The following ARMC7 variants were observed in gnomAD, a reference collection of about 807,000 sequenced individuals.
ARMC7 encodes armadillo repeat-containing protein 7.
ARMC7 carries 9 observed loss-of-function variants against 14.8 expected under a neutral mutation model. That is an observed-to-expected ratio of 0.61 (90% CI 0.37 to 1.06). The LOEUF (loss-of-function observed/expected upper bound fraction) is 1.06, where lower values mean the gene tolerates loss of function less well. Ranked by LOEUF, ARMC7 falls within the 50% of genes least tolerant of loss-of-function variation. The pLI is 0.01. For missense variants in ARMC7, 262 were observed against 267.1 expected, an observed-to-expected ratio of 0.98 and a Z score of 0.13; for synonymous variants, 125 against 123.4, an observed-to-expected ratio of 1.01 and a Z score of -0.09.
At chr17:75,116,342 C>G (rs2073972638) in intron 2 of ARMC7, among the ~76,000 whole-genome samples, 1 of 152,096 alleles carries the variant, frequency 6.6e-6, no homozygotes, top group Non-Finnish European at 1.5e-5. Flanking sequence ...GAGTACCAGA[C>G]CTAGGCCGGG....
chr17:75,124,577 G>T (rs1236370815), intron 2 of ARMC7, among the ~76,000 whole-genome samples: 2 of 152,188 alleles, frequency 1.3e-5, no homozygotes, highest in Admixed American at 6.5e-5. Context: ...ACATGCCGCG[G>T]GTGTGTCTGA....
At chr17:75,120,510 G>A (rs1176721922) in intron 2 of ARMC7, among the ~76,000 whole-genome samples, 1 of 151,916 alleles carries the variant, frequency 6.6e-6, no homozygotes, top group African/African-American at 2.4e-5. Flanking sequence ...GTTTTATAAC[G>A]ATTTTTAAGA....
Position 75,113,340 on chromosome 17 carries a change from A to T in ARMC7, c.235+2734A>T, listed in dbSNP as rs114429860. Among the ~76,000 whole-genome samples, 604 of 139,952 alleles carry T rather than the reference A, an allele frequency of 4.3e-3. 7 individuals carry two copies. The highest frequency in any genetic ancestry group is 0.015 in the African/African-American group (567 of 37,462). The allele number at this position is 139,952 out of a possible 152,430, so 91.8% of individuals were successfully genotyped here. ...CACCTGGCCCAACTAACACATTTTT[A>T]AAAATACTTTTTATTTATTTATTTT... On this transcript the variant is annotated intron_variant, in intron 2 of 2. Transcript: ENST00000245543.
At position 75,130,238 on chromosome 17, in the gene ARMC7, A is replaced by C; in HGVS notation, c.*1200A>C. 5.7e-6 allele frequency: 3 copies of C among 526,714 alleles called. No individual in the cohort carries two copies. The South Asian group carries it at 7.1e-5, about 12-fold the overall frequency. 32.6% of individuals were successfully genotyped at this position (526,714 alleles called of 1,614,324 possible). A position where few individuals can be genotyped will look rare whatever the true frequency, so the allele number is the denominator to read the frequency against. On this transcript the variant is annotated 3_prime_UTR_variant, in exon 3 of 3. Transcript: ENST00000245543. ...AGGGTCCTAGAAGACTAGAAAGCCA[A>C]GGTCTTTTATTAAAGGTCCCGACTG...
intron 2 of ARMC7, among the ~76,000 whole-genome samples, chr17:75,113,007 TTTTTATTTTATTTTA>T (rs71159435): frequency 6.7e-6 from 1 of 149,046 alleles, no homozygotes; most frequent in East Asian, 1.9e-4. Flanking sequence ...AATAACACAT[TTTTTATTTTATTTTA>T]TTTTATTTTA....
chr17:75,112,954 T>C lies in ARMC7; in HGVS notation c.235+2348T>C, dbSNP rs547856146. On this transcript the variant is annotated intron_variant, in intron 2 of 2. Coordinates refer to ENST00000245543, the MANE Select transcript of ARMC7 (RefSeq NM_024585.4). ...TTTGTGGTTTCTTTATCCCCTTTAT[T>C]TCCTATAATCCAGAAATTGGGTTGA... 7.2e-5 allele frequency among the ~76,000 whole-genome samples: 11 copies of C among 152,280 alleles called. No individual in the cohort carries two copies. The South Asian group carries it at 2.1e-3, about 29-fold the overall frequency.
At chr17:75,112,573 CTT>C (rs549730217) in intron 2 of ARMC7, among the ~76,000 whole-genome samples, 2,537 of 100,482 alleles carry the variant, frequency 0.025, 22 homozygotes, top group South Asian at 0.065. Flanking sequence ...TTCTCTTTTT[CTT>C]TTTTTTTTTT....
Position 75,130,265 on chromosome 17 carries a change from T to TCGCCG in ARMC7, c.*1227_*1228insCGCCG. 5.2e-6 allele frequency: 3 copies of TCGCCG among 576,432 alleles called. No individual in the cohort carries two copies. Among genetic ancestry groups the TCGCCG allele is most frequent in the South Asian group, 2.1e-5 (1 of 47,010 alleles). The allele number at this position is 576,432 out of a possible 1,614,324, so 35.7% of individuals were successfully genotyped here. A position where few individuals can be genotyped will look rare whatever the true frequency, so the allele number is the denominator to read the frequency against. ...GTCTTTTATTAAAGGTCCCGACTGG[T>TCGCCG]TTTCCCACTGTATTTCCATGCCAGC... On this transcript the variant is annotated 3_prime_UTR_variant, in exon 3 of 3. Coordinates refer to ENST00000245543, the MANE Select transcript of ARMC7 (RefSeq NM_024585.4).
In ARMC7 at chr17:75,110,135, T is replaced by C. The variant is rs1014165065; in HGVS notation, c.-154T>C. On this transcript the variant is annotated 5_prime_UTR_variant, in exon 1 of 3. Transcript: ENST00000245543. ...CCATATCCCATTTCCAGCTGCAAAT[T>C]ACTGCAGAATCTGAACCCAGGAAAG... 2.9e-6 allele frequency: 2 copies of C among 680,504 alleles called. No individual in the cohort carries two copies. The allele number at this position is 680,504 out of a possible 1,614,324, so 42.2% of individuals were successfully genotyped here.
intron 2 of ARMC7, among the ~76,000 whole-genome samples, chr17:75,119,488 G>A (rs59306289): frequency 0.051 from 7,021 of 138,222 alleles, 577 homozygotes; most frequent in African/African-American, 0.17. Context: ...TCGCTCTGTC[G>A]CCCAGGCTGG....
At chr17:75,126,297 C>A (rs891198127) in intron 2 of ARMC7, among the ~76,000 whole-genome samples, 1 of 152,132 alleles carries the variant, frequency 6.6e-6, no homozygotes, top group Non-Finnish European at 1.5e-5. Context: ...GAGGTCATTA[C>A]ATTGAGGGGG....
intron 2 of ARMC7, among the ~76,000 whole-genome samples, chr17:75,113,580 C>T (rs1444952552): frequency 6.6e-6 from 1 of 152,010 alleles, no homozygotes; most frequent in Non-Finnish European, 1.5e-5. Flanking sequence ...TGGGCTCAAT[C>T]TCCTGACCTC....
At chr17:75,116,818 C>T (rs553304033) in intron 2 of ARMC7, among the ~76,000 whole-genome samples, 3 of 152,346 alleles carry the variant, frequency 2.0e-5, no homozygotes, top group East Asian at 3.9e-4. Context: ...AGCTGCCCCT[C>T]GTCTGGCTGT....
intron 2 of ARMC7, among the ~76,000 whole-genome samples, chr17:75,118,834 C>T (rs1190905021): frequency 2.6e-5 from 4 of 152,188 alleles, no homozygotes; most frequent in Non-Finnish European, 5.9e-5. Context: ...ACGGCAAGGC[C>T]GATGGTTCTA....
At chr17:75,117,653 C>T (rs58116982) in intron 2 of ARMC7, among the ~76,000 whole-genome samples, 1,848 of 152,214 alleles carry the variant, frequency 0.012, 48 homozygotes, top group African/African-American at 0.042. Flanking sequence ...AATTTGGCAT[C>T]AGCAAAAAAG....
At chr17:75,122,777 C>T (rs867069617) in intron 2 of ARMC7, among the ~76,000 whole-genome samples, 1 of 151,928 alleles carries the variant, frequency 6.6e-6, no homozygotes, top group African/African-American at 2.4e-5. Context: ...TCCCCATTCT[C>T]ACGGAGTTTA....
In ARMC7 at chr17:75,128,987, C is replaced by G. The variant is rs2074077858; in HGVS notation, c.546C>G (p.His182Gln). The G allele has an allele frequency of 2.5e-6, 4 of 1,601,138 alleles. No individual in the cohort carries two copies. The highest frequency in any genetic ancestry group is 3.4e-6 in the Non-Finnish European group (4 of 1,179,648). The part of the protein sequence containing the change: ...QVAEARSRQA[H>Q]SALGIPLPRS... ...CCGAGGCCCGCAGCCGGCAGGCGCA[C>G]TCTGCCCTGGGTATCCCACTGCCGA... is the stretch of plus-strand genomic sequence containing the variant. The change falls in exon 3 of 3, where the codon CAC becomes CAG. Residue 182 changes from histidine (H) to glutamine (Q), a missense_variant. His to Gln is a conservative substitution (Grantham distance 24, BLOSUM62 0). Coordinates refer to ENST00000245543, the MANE Select transcript of ARMC7 (RefSeq NM_024585.4).
At chr17:75,120,712 G>A (rs535782227) in intron 2 of ARMC7, among the ~76,000 whole-genome samples, 1 of 151,722 alleles carries the variant, frequency 6.6e-6, no homozygotes, top group East Asian at 1.9e-4. Context: ...TACTCAGGAG[G>A]CTGAGGCAGG....
chr17:75,114,341 G>A (rs2073956683), intron 2 of ARMC7: 1 of 398,992 alleles, frequency 2.5e-6, no homozygotes, highest in South Asian at 1.4e-4. Context: ...TCCTGCTGGC[G>A]TTTCCTCAGG....
Sources: gnomAD v4.1 joint callset for allele counts (sites outside exome capture counted in the v4.1 genomes callset) on GRCh38, gnomAD v4.1.1 for gene constraint, MANE v1.5 for transcripts, NCBI Gene and HGNC (gene_info 2026-07-23, HGNC 2026-07-21) for gene names.